Variants in CCDC106 observed in about 807,000 individuals in gnomAD.
CCDC106 encodes coiled-coil domain containing 106, also known as coiled-coil domain-containing protein 106.
Under a neutral mutation model 24.7 loss-of-function variants are expected in CCDC106, and 17 were observed. The observed-to-expected ratio is 0.69, with a 90% CI of 0.47 to 1.03. CCDC106 has a LOEUF of 1.03. CCDC106 is among the 50% of genes least tolerant of loss of function. The probability of loss-of-function intolerance (pLI) is 0.00; values close to 1 mark genes in which losing one functional copy is unlikely to be tolerated. For missense variants in CCDC106, 337 were observed against 388.9 expected (o/e 0.87, Z 1.12); for synonymous variants, 211 against 161.3 (o/e 1.31, Z -2.34).
At position 55,652,778 on chromosome 19, in the gene CCDC106, C is replaced by A; in HGVS notation, c.*32C>A. Reference sequence around the variant, plus strand: ...CACGCCTCCGCGCCTCCACCCGGGCCTTCCTCCCCCGTGGACCCCGGTGGA... The same window carrying A: ...CACGCCTCCGCGCCTCCACCCGGGCATTCCTCCCCCGTGGACCCCGGTGGA... On this transcript the variant is annotated 3_prime_UTR_variant, in exon 5 of 5. Transcript: ENST00000586790. This position sits in a 1 kb window ranked among gnomAD's most constrained non-coding sequence, Gnocchi z 5.9. 6.4e-7 allele frequency: 1 copy of A among 1,566,538 alleles called. No individual in the cohort carries two copies. Among genetic ancestry groups the A allele is most frequent in the African/African-American group, 1.4e-5 (1 of 74,058 alleles).
rs1044957019 is a variant in CCDC106 at position 55,652,275 on chromosome 19, C to G, written c.527-155C>G. Among the ~76,000 whole-genome samples, 1 of 151,854 alleles carries G rather than the reference C, an allele frequency of 6.6e-6. No individual in the cohort carries two copies. The highest frequency in any genetic ancestry group is 2.4e-5 in the African/African-American group (1 of 41,394). On this transcript the variant is annotated intron_variant, in intron 4 of 4. Transcript: ENST00000586790. This position sits in a 1 kb window ranked among gnomAD's most constrained non-coding sequence, Gnocchi z 5.9. ...CTGCGATTCTTCCCCTCCTCTCTGC[C>G]CCTTCCTTGCCTGTTGTTCTCCGTC...
Position 55,652,961 on chromosome 19 carries a change from C to T in CCDC106, c.*215C>T. 1 of 541,756 alleles carries T rather than the reference C, an allele frequency of 1.8e-6. No individual in the cohort carries two copies. Among genetic ancestry groups the T allele is most frequent in the Non-Finnish European group, 3.3e-6 (1 of 306,506 alleles). 33.6% of individuals were successfully genotyped at this position (541,756 alleles called of 1,614,324 possible). A position where few individuals can be genotyped will look rare whatever the true frequency, so the allele number is the denominator to read the frequency against. The stretch of plus-strand genomic sequence containing the variant: ...TCCGCTTGGGCTGCCCAGCCCTGTC[C>T]TCGCCGGGCCCCTTCCTCCTGGAAA... On this transcript the variant is annotated 3_prime_UTR_variant, in exon 5 of 5. Transcript: ENST00000586790. The surrounding 1 kb of genome is among the most constrained non-coding windows in gnomAD (Gnocchi z 5.9).
chr19:55,651,616 G>A (rs1983283938), intron 4 of CCDC106, 121 bp downstream of exon 4: 2 of 685,694 alleles, frequency 2.9e-6, no homozygotes, highest in Non-Finnish European at 4.9e-6. Context: ...AGACCCACCG[G>A]GTTCTGTCTC....
At chr19:55,650,660 T>A (rs1328841045) in intron 3 of CCDC106, among the ~76,000 whole-genome samples, 1 of 152,222 alleles carries the variant, frequency 6.6e-6, no homozygotes, top group Non-Finnish European at 1.5e-5. Context: ...CCCTTGGGCC[T>A]GCCACTGTCT....
At position 55,649,191 on chromosome 19, in the gene CCDC106, C is replaced by A; in HGVS notation, c.32-14C>A. 6.2e-7 allele frequency: 1 copy of A among 1,611,656 alleles called. No individual in the cohort carries two copies. Among genetic ancestry groups the A allele is most frequent in the South Asian group, 1.1e-5 (1 of 91,022 alleles). On this transcript the variant is annotated splice_polypyrimidine_tract_variant and intron_variant, in intron 1 of 4. Transcript: ENST00000586790. ...GGGAATTCTCTGGGGTAACCCGGGG[C>A]CTCTCCTCTCCAGTGAAGGACGATG...
chr19:55,650,810 G>A (rs770122191), intron 3 of CCDC106, among the ~76,000 whole-genome samples: 3 of 152,128 alleles, frequency 2.0e-5, no homozygotes, highest in Non-Finnish European at 4.4e-5. Flanking sequence ...CTGTGTCTGG[G>A]CCTCCGCCTG....
chr19:55,651,042 C>T (rs1312259354), intron 3 of CCDC106, among the ~76,000 whole-genome samples: 2 of 152,198 alleles, frequency 1.3e-5, no homozygotes, highest in Non-Finnish European at 1.5e-5. Context: ...CGGCTGCCTC[C>T]GTAAGACCTC....
rs1452407211 is a variant in CCDC106, at chr19:55,651,370, C to G, written c.401C>G (p.Ser134Ter). 1 of 1,612,406 alleles carries G rather than the reference C, an allele frequency of 6.2e-7. No individual in the cohort carries two copies. The highest frequency in any genetic ancestry group is 8.5e-7 in the Non-Finnish European group (1 of 1,179,396). The change falls in exon 4 of 5, where the codon TCA (serine) becomes TGA (stop). Residue 134 changes from serine to a stop codon, truncating the protein, a stop_gained. Transcript: ENST00000586790. LOFTEE classifies it high-confidence loss of function. ...GAGGEASDPE[S>*]AASSLSGASE... ...GGGGGCGAGGCCTCGGACCCTGAGT[C>G]AGCAGCCTCCTCCCTCAGCGGAGCG...
At chr19:55,647,512 T>C (rs1275913087), upstream of CCDC106, among the ~76,000 whole-genome samples, 1 of 152,232 alleles carries the variant, frequency 6.6e-6, no homozygotes, top group Non-Finnish European at 1.5e-5. Flanking sequence ...GCTGAGCTTC[T>C]GTGTGTCGCA....
Position 55,649,027 on chromosome 19 carries a change from G to T in CCDC106, c.-20G>T, listed in dbSNP as rs1481162591. On this transcript the variant is annotated 5_prime_UTR_variant, in exon 1 of 5. Transcript: ENST00000586790. ...TGCCCCTGAGGCCCTCGGCTGCTGG[G>T]GTCCGTAGGAAGCCGCGCCATGAAT... 1 of 1,612,578 alleles carries T rather than the reference G, an allele frequency of 6.2e-7. No homozygotes were observed. The highest frequency in any genetic ancestry group is 1.7e-5 in the Admixed American group (1 of 60,024).
At position 55,651,423 on chromosome 19, in the gene CCDC106, A is replaced by G. The variant is rs374434219; in HGVS notation, c.454A>G (p.Arg152Gly). The change falls in exon 4 of 5, where the codon AGG becomes GGG. Residue 152 changes from arginine to glycine, a missense_variant. Around this residue, in one of 2 missense-constraint regions of CCDC106, gnomAD observed 234 missense variants for 236.5 expected, o/e 0.99. Transcript: ENST00000586790. ...CGAAGAAGGCAGCGCCAGTGAGAGG[A>G]GGCGGCAGAAGCAGAAGGGAGGTGC... ...ASEEGSASER[R>G]RQKQKGGASR... 6.2e-7 allele frequency: 1 copy of G among 1,607,576 alleles called. No individual in the cohort carries two copies. Among genetic ancestry groups the G allele is most frequent in the African/African-American group, 1.3e-5 (1 of 74,816 alleles).
rs535245138 is a variant in CCDC106 at position 55,648,808 on chromosome 19, C to A, written c.-239C>A. On this transcript the variant is annotated 5_prime_UTR_variant, in exon 1 of 5. Coordinates refer to ENST00000586790, the MANE Select transcript of CCDC106 (RefSeq NM_001370470.1). ...CCCCCAGGACCTAGGCGGCTGGGCC[C>A]CCTGCCCCTGACTCCAGGAGCCCAG... 1 of 588,530 alleles carries A rather than the reference C, an allele frequency of 1.7e-6. No individual in the cohort carries two copies. Among genetic ancestry groups the A allele is most frequent in the African/African-American group, 1.9e-5 (1 of 53,766 alleles). The allele number at this position is 588,530 out of a possible 1,614,324, so 36.5% of individuals were successfully genotyped here.
chr19:55,648,610 T>G lies in CCDC106; in HGVS notation c.-437T>G, dbSNP rs1983021647. 5.2e-6 allele frequency: 1 copy of G among 192,544 alleles called. No individual in the cohort carries two copies. 11.9% of individuals were successfully genotyped at this position (192,544 alleles called of 1,614,324 possible). A position where few individuals can be genotyped will look rare whatever the true frequency, so the allele number is the denominator to read the frequency against. On this transcript the variant is annotated 5_prime_UTR_variant, in exon 1 of 5. Coordinates refer to ENST00000586790, the MANE Select transcript of CCDC106 (RefSeq NM_001370470.1). ...CCTACCCTGGGAAGTTGGGGCAGTTTCCCCCTGCACCTGCCTCTTCCTTAG... is the reference window on the plus strand; with the variant it reads ...CCTACCCTGGGAAGTTGGGGCAGTTGCCCCCTGCACCTGCCTCTTCCTTAG...
At position 55,653,004 on chromosome 19, in the gene CCDC106, C is replaced by G. The variant is rs1175114049; in HGVS notation, c.*258C>G. The G allele has an allele frequency of 1.4e-5, 7 of 491,910 alleles. No homozygotes were observed. In the African/African-American group the frequency reaches 1.5e-4, roughly 10 times the overall value. 30.5% of individuals were successfully genotyped at this position (491,910 alleles called of 1,614,324 possible). A position where few individuals can be genotyped will look rare whatever the true frequency, so the allele number is the denominator to read the frequency against. ...CCTGGAAAACCAGGCAGGCGGGTGCCCCCCCCTCGAGTGGGGGACTGTACA... is the reference window on the plus strand; with the variant it reads ...CCTGGAAAACCAGGCAGGCGGGTGCGCCCCCCTCGAGTGGGGGACTGTACA... On this transcript the variant is annotated 3_prime_UTR_variant, in exon 5 of 5. Coordinates refer to ENST00000586790, the MANE Select transcript of CCDC106 (RefSeq NM_001370470.1).
At chr19:55,650,691 C>T (rs919551539) in intron 3 of CCDC106, among the ~76,000 whole-genome samples, 15 of 152,298 alleles carry the variant, frequency 9.8e-5, no homozygotes, top group South Asian at 6.2e-4. Context: ...ATGGTTCCAT[C>T]CTGGGTGACT....
chr19:55,649,473 G>A lies in CCDC106; in HGVS notation c.202G>A (p.Ala68Thr). ...CAGCGTCAAGACCCAGCTGCACATGGCTCTGGAGAGGAACTCCTGGCTGCA... is the reference window on the plus strand; with the variant it reads ...CAGCGTCAAGACCCAGCTGCACATGACTCTGGAGAGGAACTCCTGGCTGCA... ...MNSVKTQLHM[A>T]LERNSWLQKR... The change falls in exon 3 of 5, where the codon GCT becomes ACT. Residue 68 changes from alanine (A) to threonine (T), a missense_variant. Physicochemically the swap from Ala to Thr is moderately conservative, Grantham distance 58. Coordinates refer to ENST00000586790, the MANE Select transcript of CCDC106 (RefSeq NM_001370470.1). The A allele has an allele frequency of 6.2e-7, 1 of 1,614,056 alleles. No homozygotes were observed. Among genetic ancestry groups the A allele is most frequent in the Non-Finnish European group, 8.5e-7 (1 of 1,179,930 alleles).
Position 55,652,799 on chromosome 19 carries a change from G to A in CCDC106, c.*53G>A. 7.5e-6 allele frequency: 11 copies of A among 1,465,440 alleles called. No homozygotes were observed. Among genetic ancestry groups the A allele is most frequent in the Non-Finnish European group, 1.0e-5 (11 of 1,076,630 alleles). The allele number at this position is 1,465,440 out of a possible 1,614,324, so 90.8% of individuals were successfully genotyped here. A position where few individuals can be genotyped will look rare whatever the true frequency, so the allele number is the denominator to read the frequency against. On this transcript the variant is annotated 3_prime_UTR_variant, in exon 5 of 5. Transcript: ENST00000586790. This position sits in a 1 kb window ranked among gnomAD's most constrained non-coding sequence, Gnocchi z 5.9. ...GGGCCTTCCTCCCCCGTGGACCCCG[G>A]TGGATGACCTGCCCCTCTCCCCGCC... is the stretch of plus-strand genomic sequence containing the variant.
In CCDC106 at chr19:55,652,261, C is replaced by T. The variant is rs570134659; in HGVS notation, c.527-169C>T. Among the ~76,000 whole-genome samples, 26 of 152,110 alleles carry T rather than the reference C, an allele frequency of 1.7e-4. No individual in the cohort carries two copies. The South Asian group carries it at 2.3e-3, about 13-fold the overall frequency. The stretch of plus-strand genomic sequence containing the variant: ...GGTCCAAGATCTGGCTGCGATTCTT[C>T]CCCTCCTCTCTGCCCCTTCCTTGCC... On this transcript the variant is annotated intron_variant, in intron 4 of 4. Coordinates refer to ENST00000586790, the MANE Select transcript of CCDC106 (RefSeq NM_001370470.1). This position sits in a 1 kb window ranked among gnomAD's most constrained non-coding sequence, Gnocchi z 5.9.
At chr19:55,649,694 T>C (rs1227929542) in intron 3 of CCDC106, 110 bp downstream of exon 3, 1 of 1,012,950 alleles carries the variant, frequency 9.9e-7, no homozygotes, top group Non-Finnish European at 1.4e-6. Flanking sequence ...CCTGCCATGT[T>C]GGCCCTATCT....
Sources: allele counts gnomAD v4.1 joint callset (sites outside exome capture counted in the v4.1 genomes callset), GRCh38; gene constraint gnomAD v4.1.1; regional missense constraint gnomAD v4.1.1; non-coding constraint Gnocchi (gnomAD v3.1); transcripts MANE v1.5; gene names NCBI Gene and HGNC (gene_info 2026-07-23, HGNC 2026-07-21).